Variants in LRRC4C observed in about 807,000 individuals in gnomAD.
The protein encoded by LRRC4C is leucine-rich repeat-containing protein 4C.
Under a neutral mutation model 33.6 loss-of-function variants are expected in LRRC4C, and 5 were observed. That is an observed-to-expected ratio of 0.15 (90% confidence interval 0.08 to 0.31). The LOEUF is 0.31. Ranked by LOEUF, LRRC4C falls within the 10% of genes least tolerant of loss-of-function variation. The pLI is 1.00. For synonymous variants in LRRC4C, 329 were observed against 302.0 expected, an observed-to-expected ratio of 1.09 and a Z score of -0.93; for missense variants, 560 against 796.7, an observed-to-expected ratio of 0.70 and a Z score of 3.58.
rs377591214 is a variant in LRRC4C at position 40,737,385 on chromosome 11, G to T, written c.-406-89107C>A. Among the ~76,000 whole-genome samples, 25 of 151,918 alleles carry T rather than the reference G, an allele frequency of 1.6e-4. 1 individual carries two copies. Among genetic ancestry groups the T allele is most frequent in the African/African-American group, 2.9e-4 (12 of 41,378 alleles). On this transcript the variant is annotated intron_variant, in intron 2 of 6. Transcript: ENST00000528697. ...TTCTGGCCAGGGCAATTAGGCAAGA[G>T]AAAAAAATAAAGTTATTTGAATAGG...
intron 2 of LRRC4C, among the ~76,000 whole-genome samples, chr11:40,777,335 C>T (rs898250681): frequency 1.3e-5 from 2 of 152,098 alleles, no homozygotes; most frequent in Non-Finnish European, 2.9e-5. Context: ...GACTTCTCCT[C>T]TATAATTATG....
chr11:40,561,883 G>A (rs931534911), intron 3 of LRRC4C, among the ~76,000 whole-genome samples: 5 of 152,156 alleles, frequency 3.3e-5, no homozygotes, highest in East Asian at 1.9e-4. Context: ...TAATGGAGCC[G>A]AAATTGACAA....
chr11:40,525,784 C>A (rs1956022822), intron 3 of LRRC4C, among the ~76,000 whole-genome samples: 1 of 151,314 alleles, frequency 6.6e-6, no homozygotes, highest in Admixed American at 6.6e-5. Flanking sequence ...ACATACCAAG[C>A]CAACAATAAA....
At chr11:41,282,165 G>T (rs1187732760) in intron 1 of LRRC4C, among the ~76,000 whole-genome samples, 10 of 152,214 alleles carry the variant, frequency 6.6e-5, no homozygotes, top group Admixed American at 5.9e-4. Context: ...AACGGGGGAT[G>T]CCCCTCTCTT....
intron 1 of LRRC4C, among the ~76,000 whole-genome samples, chr11:41,411,140 C>CTATTTTTTTTTTTTTTTTTTTTT (rs1954463140): frequency 2.0e-5 from 1 of 49,918 alleles, no homozygotes. Flanking sequence ...GGTTGGTACC[C>CTATTTTTTTTTTTTTTTTTTTTT]TATTTTTTTT....
At chr11:40,345,732 C>T (rs966791783) in intron 3 of LRRC4C, among the ~76,000 whole-genome samples, 4 of 151,964 alleles carry the variant, frequency 2.6e-5, no homozygotes, top group African/African-American at 9.7e-5. Context: ...TACTTCATAG[C>T]AAAAGAAACT....
intron 3 of LRRC4C, among the ~76,000 whole-genome samples, chr11:40,647,153 C>A (rs1942516410): frequency 6.6e-6 from 1 of 152,200 alleles, no homozygotes; most frequent in African/African-American, 2.4e-5. Context: ...GCAGGACAGA[C>A]AGCTGTTATA....
chr11:41,041,898 T>C (rs760313134), intron 1 of LRRC4C, among the ~76,000 whole-genome samples: 3 of 152,182 alleles, frequency 2.0e-5, no homozygotes, highest in Non-Finnish European at 4.4e-5. Flanking sequence ...TAAGTATATG[T>C]ACACTTTTGA....
At chr11:40,979,485 T>C (rs964105874) in intron 1 of LRRC4C, among the ~76,000 whole-genome samples, 3 of 152,232 alleles carry the variant, frequency 2.0e-5, no homozygotes, top group Non-Finnish European at 1.5e-5. Flanking sequence ...TCAGTTGGCC[T>C]ATAACTCTCA....
chr11:40,330,164 C>T (rs148350870), intron 3 of LRRC4C, among the ~76,000 whole-genome samples: 13 of 152,128 alleles, frequency 8.5e-5, no homozygotes, highest in African/African-American at 2.6e-4. Context: ...CAATTACTTA[C>T]GTAGTAGAAT....
intron 3 of LRRC4C, among the ~76,000 whole-genome samples, chr11:40,425,883 G>A (rs892542198): frequency 2.6e-5 from 4 of 152,144 alleles, no homozygotes; most frequent in African/African-American, 9.7e-5. Context: ...GGTAGGAAAT[G>A]CTGCTAAATT....
At chr11:40,202,763 G>A (rs566615756) in intron 5 of LRRC4C, among the ~76,000 whole-genome samples, 7 of 152,104 alleles carry the variant, frequency 4.6e-5, no homozygotes, top group African/African-American at 1.7e-4. Flanking sequence ...AAGGGGCAAA[G>A]CTATCAAGGG....
intron 3 of LRRC4C, among the ~76,000 whole-genome samples, chr11:40,553,228 C>T (rs1440694722): frequency 2.6e-5 from 4 of 151,930 alleles, no homozygotes; most frequent in Admixed American, 2.0e-4. Context: ...GCTGATATCG[C>T]GCCAGTGCAC....
chr11:40,569,557 T>A (rs892261543), intron 3 of LRRC4C, among the ~76,000 whole-genome samples: 1 of 151,606 alleles, frequency 6.6e-6, no homozygotes, highest in Non-Finnish European at 1.5e-5. Flanking sequence ...TGTATGTGAA[T>A]GTTTATGCGT....
chr11:41,148,151 G>A (rs1229717962), intron 1 of LRRC4C, among the ~76,000 whole-genome samples: 1 of 152,104 alleles, frequency 6.6e-6, no homozygotes, highest in Admixed American at 6.6e-5. Context: ...AAGTAGTTGG[G>A]ACTACAGGTG....
intron 1 of LRRC4C, among the ~76,000 whole-genome samples, chr11:41,042,924 C>T (rs531120087): frequency 6.6e-6 from 1 of 151,610 alleles, no homozygotes; most frequent in East Asian, 1.9e-4. Context: ...TAATTGTGAA[C>T]CATGAGGCAA....
intron 3 of LRRC4C, among the ~76,000 whole-genome samples, chr11:40,624,221 TATAAG>T (rs1466343438): frequency 1.3e-5 from 2 of 152,134 alleles, no homozygotes; most frequent in African/African-American, 2.4e-5. Context: ...CTGCAATCAC[TATAAG>T]ATATGTTTTT....
intron 3 of LRRC4C, among the ~76,000 whole-genome samples, chr11:40,371,978 G>A (rs1182100712): frequency 6.6e-6 from 1 of 152,312 alleles, no homozygotes; most frequent in African/African-American, 2.4e-5. Context: ...AATCATGTCT[G>A]TAAATGTAAA....
intron 4 of LRRC4C, among the ~76,000 whole-genome samples, chr11:40,257,962 T>TC (rs1867352325): frequency 6.6e-6 from 1 of 152,166 alleles, no homozygotes; most frequent in Non-Finnish European, 1.5e-5. Flanking sequence ...CTATAACAGG[T>TC]CCCGGGTAGA....
Sources: allele counts gnomAD v4.1 joint callset (sites outside exome capture counted in the v4.1 genomes callset), GRCh38; gene constraint gnomAD v4.1.1; transcripts MANE v1.5; gene names NCBI Gene and HGNC (gene_info 2026-07-23, HGNC 2026-07-21).